The following SRD5A2 variants were observed in gnomAD, a reference collection of about 807,000 sequenced individuals.
SRD5A2 encodes the protein steroid 5 alpha-reductase 2, also known as 3-oxo-5-alpha-steroid 4-dehydrogenase 2.
Under a neutral mutation model 27.4 loss-of-function variants are expected in SRD5A2, and 30 were observed. The ratio of observed to expected loss-of-function variants is 1.10; its 90% CI spans 0.82 to 1.49. The LOEUF (loss-of-function observed/expected upper bound fraction) is 1.49. Among genes scored for constraint, SRD5A2 ranks in the 40% most tolerant of loss-of-function variants. The pLI, the probability that SRD5A2 is intolerant of heterozygous loss-of-function variation, is 0.00. For missense variants in SRD5A2, 348 were observed against 323.4 expected, an observed-to-expected ratio of 1.08 and a Z score of -0.58; for synonymous variants, 141 against 133.6, an observed-to-expected ratio of 1.06 and a Z score of -0.38.
chr2:31,588,777 A>C, the SRD5A2 span, among the ~76,000 whole-genome samples: 1 of 152,228 alleles, frequency 6.6e-6, no homozygotes, highest in East Asian at 1.9e-4. Flanking sequence ...CAGTGTGTAC[A>C]CTATTCTTGT....
the SRD5A2 span, chr2:31,651,314 G>C: frequency 6.2e-6 from 1 of 161,704 alleles, no homozygotes; most frequent in Admixed American, 6.4e-5. Context: ...TGAAGAGTGA[G>C]ACATGAAAGA....
chr2:31,627,304 G>A, the SRD5A2 span, among the ~76,000 whole-genome samples: 1 of 151,764 alleles, frequency 6.6e-6, no homozygotes, highest in Non-Finnish European at 1.5e-5. Flanking sequence ...TGGGTTCAGT[G>A]GCAATGTCCC....
chr2:31,638,862 C>T, the SRD5A2 span, among the ~76,000 whole-genome samples: 1 of 151,636 alleles, frequency 6.6e-6, no homozygotes. Flanking sequence ...CTTTTTTGTC[C>T]ATTCAGTCAC....
At chr2:31,609,913 G>A in the SRD5A2 span, among the ~76,000 whole-genome samples, 3 of 151,614 alleles carry the variant, frequency 2.0e-5, no homozygotes, top group Non-Finnish European at 2.9e-5. Context: ...TTTTAAAGAT[G>A]GCAAAAAAAG....
At chr2:31,650,309 G>C in the SRD5A2 span, among the ~76,000 whole-genome samples, 1 of 152,176 alleles carries the variant, frequency 6.6e-6, no homozygotes, top group South Asian at 2.1e-4. Flanking sequence ...TCAAGCAAAA[G>C]AAAAAGTGAG....
chr2:31,528,965 G>T (rs890452778), intron 4 of SRD5A2, among the ~76,000 whole-genome samples: 10 of 152,292 alleles, frequency 6.6e-5, no homozygotes, highest in African/African-American at 2.4e-4. Flanking sequence ...TGGGCACAGA[G>T]CCTGGGTCAG....
chr2:31,621,657 G>T, the SRD5A2 span, among the ~76,000 whole-genome samples: 4 of 151,970 alleles, frequency 2.6e-5, no homozygotes, highest in African/African-American at 9.7e-5. Context: ...TTAAAGACAT[G>T]GTCTCACTCT....
At chr2:31,642,572 A>G in the SRD5A2 span, among the ~76,000 whole-genome samples, 1 of 152,034 alleles carries the variant, frequency 6.6e-6, no homozygotes, top group Non-Finnish European at 1.5e-5. Flanking sequence ...TCTGAAAATA[A>G]AAAGAATAAC....
the SRD5A2 span, among the ~76,000 whole-genome samples, chr2:31,650,438 ACT>A: frequency 6.6e-6 from 1 of 152,156 alleles, no homozygotes; most frequent in African/African-American, 2.4e-5. Flanking sequence ...CGAGAACTGC[ACT>A]GTGTCTGTGC....
chr2:31,636,348 A>G, the SRD5A2 span, among the ~76,000 whole-genome samples: 3 of 152,110 alleles, frequency 2.0e-5, no homozygotes, highest in South Asian at 2.1e-4. Flanking sequence ...CACAGTTGGC[A>G]TATAAATGCA....
intron 1 of SRD5A2, among the ~76,000 whole-genome samples, chr2:31,570,501 A>G (rs2148097447): frequency 6.6e-6 from 1 of 152,328 alleles, no homozygotes; most frequent in South Asian, 2.1e-4. Context: ...CTCCTTTTCA[A>G]CATAGTACTG....
At chr2:31,573,906 G>A (rs1213798070) in intron 1 of SRD5A2, among the ~76,000 whole-genome samples, 1 of 152,180 alleles carries the variant, frequency 6.6e-6, no homozygotes, top group Non-Finnish European at 1.5e-5. Context: ...AATAAAAGGT[G>A]GTAATATGTC....
chr2:31,596,777 T>C, the SRD5A2 span, among the ~76,000 whole-genome samples: 1 of 151,956 alleles, frequency 6.6e-6, no homozygotes, highest in East Asian at 1.9e-4. Flanking sequence ...CATAGAAATA[T>C]ACTGAACCAA....
chr2:31,541,743 A>G (rs1300434048), intron 1 of SRD5A2, among the ~76,000 whole-genome samples: 1 of 152,214 alleles, frequency 6.6e-6, no homozygotes, highest in Non-Finnish European at 1.5e-5. Context: ...CAGCAGCCAC[A>G]TAGCACAGAG....
At position 31,525,374 on chromosome 2, in the gene SRD5A2, A is replaced by G. The variant is rs1003032029; in HGVS notation, c.*822T>C. ...GTTTCCAAAAACATGAGAGTTTGCA[A>G]TGTCTATTGTAAAACTGTTCTCTAT... is the stretch of plus-strand genomic sequence containing the variant. On this transcript the variant is annotated 3_prime_UTR_variant, in exon 5 of 5. Transcript: ENST00000622030. 4.4e-6 allele frequency: 1 copy of G among 227,122 alleles called. No homozygotes were observed. The highest frequency in any genetic ancestry group is 8.8e-6 in the Non-Finnish European group (1 of 114,170). The allele number at this position is 227,122 out of a possible 1,614,324, so 14.1% of individuals were successfully genotyped here. A position where few individuals can be genotyped will look rare whatever the true frequency, so the allele number is the denominator to read the frequency against.
chr2:31,611,869 C>T, the SRD5A2 span, among the ~76,000 whole-genome samples: 32 of 152,172 alleles, frequency 2.1e-4, no homozygotes, highest in East Asian at 4.8e-3. Context: ...ATGTTCATAA[C>T]ATTTTTATTC....
chr2:31,643,524 GAC>G, the SRD5A2 span, among the ~76,000 whole-genome samples: 1 of 152,098 alleles, frequency 6.6e-6, no homozygotes, highest in South Asian at 2.1e-4. Context: ...TAGGACCAAT[GAC>G]ACATCAGGGC....
At chr2:31,562,405 A>G (rs960522775) in intron 1 of SRD5A2, among the ~76,000 whole-genome samples, 30 of 152,168 alleles carry the variant, frequency 2.0e-4, no homozygotes, top group Admixed American at 2.0e-3. Context: ...ATACTATTTT[A>G]GTTATCTTTA....
chr2:31,604,835 C>G, the SRD5A2 span, among the ~76,000 whole-genome samples: 1 of 151,624 alleles, frequency 6.6e-6, no homozygotes, highest in African/African-American at 2.4e-5. Context: ...ACAGAAGACC[C>G]AGAATAGCCA....
Sources: gnomAD v4.1 joint callset for allele counts (sites outside exome capture counted in the v4.1 genomes callset) on GRCh38, gnomAD v4.1.1 for gene constraint, MANE v1.5 for transcripts, NCBI Gene and HGNC (gene_info 2026-07-23, HGNC 2026-07-21) for gene names.